Variants in SMIM5 observed in about 807,000 individuals in gnomAD.
SMIM5 encodes the protein small integral membrane protein 5, also known as chromosome 17 open reading frame 109.
A neutral mutation model predicts 4.0 loss-of-function variants in SMIM5; 4 were observed. That is an observed-to-expected ratio of 1.01 (90% CI 0.50 to 2.30). SMIM5 has a LOEUF of 2.30. Among genes scored for constraint, SMIM5 ranks in the 30% most tolerant of loss-of-function variants. SMIM5 has a pLI of 0.02. For synonymous variants in SMIM5, 46 were observed against 43.6 expected (o/e 1.05, Z -0.22); for missense variants, 107 against 99.2 (o/e 1.08, Z -0.34).
rs761285592 is a variant in SMIM5 at position 75,640,903 on chromosome 17, G to A, written c.*6G>A. ...TGCAGCCGACACCACCATGACGGAC[G>A]GGCGATGGCTGAGGAGAAGCTGGAG... On this transcript the variant is annotated 3_prime_UTR_variant, in exon 3 of 3. Coordinates refer to ENST00000375215, the MANE Select transcript of SMIM5 (RefSeq NM_001162995.3). The surrounding 1 kb of genome is among the most constrained non-coding windows in gnomAD (Gnocchi z 4.6). 49 of 1,542,354 alleles carry A rather than the reference G, an allele frequency of 3.2e-5. No homozygotes were observed. In the Middle Eastern group the frequency reaches 1.0e-3, roughly 31 times the overall value.
chr17:75,635,077 C>T (rs1017081384), intron 1 of SMIM5, among the ~76,000 whole-genome samples: 2 of 152,330 alleles, frequency 1.3e-5, no homozygotes, highest in African/African-American at 4.8e-5. Flanking sequence ...AAGCCACCAC[C>T]CCCCATATGT....
In SMIM5 at chr17:75,636,397, T is replaced by C. The variant is rs1477886972; in HGVS notation, c.-37+2195T>C. On this transcript the variant is annotated intron_variant, in intron 1 of 2. Transcript: ENST00000375215. The surrounding 1 kb of genome is among the most constrained non-coding windows in gnomAD (Gnocchi z 5.4). The stretch of plus-strand genomic sequence containing the variant: ...GAAAGACGGGAAAAATATGGGATCA[T>C]CAGTAGCCCTCCTGGGCTTCCCTGC... 6.6e-6 allele frequency among the ~76,000 whole-genome samples: 1 copy of C among 152,128 alleles called. No homozygotes were observed. The highest frequency in any genetic ancestry group is 1.5e-5 in the Non-Finnish European group (1 of 68,026).
At position 75,633,924 on chromosome 17, in the gene SMIM5, G is replaced by C; in HGVS notation, c.-315G>C. The C allele has an allele frequency of 3.0e-6, 3 of 986,764 alleles. No homozygotes were observed. The highest frequency in any genetic ancestry group is 3.6e-6 in the Non-Finnish European group (3 of 830,604). 61.1% of individuals were successfully genotyped at this position (986,764 alleles called of 1,614,324 possible). Reference sequence around the variant, plus strand: ...GGAGCTTGTCTTGTCCCTGAGCAGCGCTCTCAGGGCAGAGGTGAGGCACCG... The same window carrying C: ...GGAGCTTGTCTTGTCCCTGAGCAGCCCTCTCAGGGCAGAGGTGAGGCACCG... On this transcript the variant is annotated 5_prime_UTR_variant, in exon 1 of 3. Transcript: ENST00000375215.
chr17:75,637,834 G>A (rs1361485868), intron 1 of SMIM5: 1 of 152,484 alleles, frequency 6.6e-6, no homozygotes, highest in Non-Finnish European at 1.5e-5. Context: ...CTATCTTGCT[G>A]GTCTAAGCTG....
chr17:75,639,059 G>T (rs1391464705), intron 1 of SMIM5: 1 of 152,474 alleles, frequency 6.6e-6, no homozygotes, highest in African/African-American at 2.4e-5. Context: ...ATGGCCTCAA[G>T]GATGGCCGCA....
chr17:75,640,441 G>A lies in SMIM5; in HGVS notation c.127+113G>A. ...GGCGGGTGTCTGCCGGATCAAGGAG[G>A]AAAACCAGTTGTCCCTTGGGGGAAG... is the stretch of plus-strand genomic sequence containing the variant. On this transcript the variant is annotated intron_variant, in intron 2 of 2. Coordinates refer to ENST00000375215, the MANE Select transcript of SMIM5 (RefSeq NM_001162995.3). The surrounding 1 kb of genome is among the most constrained non-coding windows in gnomAD (Gnocchi z 4.6). 3 of 1,424,398 alleles carry A rather than the reference G, an allele frequency of 2.1e-6. No homozygotes were observed. In the South Asian group the frequency reaches 4.5e-5, roughly 21 times the overall value. The allele number at this position is 1,424,398 out of a possible 1,614,324, so 88.2% of individuals were successfully genotyped here.
rs1340997867 is a variant in SMIM5, at chr17:75,641,222, A to G, written c.*325A>G. On this transcript the variant is annotated 3_prime_UTR_variant, in exon 3 of 3. Transcript: ENST00000375215. ...TAGGGGTCCCCATACCTTGATGGAG[A>G]ACAGTCCCCACCTGTGGGCAATTGG... The G allele has an allele frequency of 3.4e-6, 1 of 294,474 alleles. No homozygotes were observed. The highest frequency in any genetic ancestry group is 2.1e-5 in the African/African-American group (1 of 47,494). 18.2% of individuals were successfully genotyped at this position (294,474 alleles called of 1,614,324 possible). A position where few individuals can be genotyped will look rare whatever the true frequency, so the allele number is the denominator to read the frequency against.
In SMIM5 at chr17:75,640,774, C is replaced by T. The variant is rs1275424460; in HGVS notation, c.128-17C>T. On this transcript the variant is annotated splice_polypyrimidine_tract_variant and intron_variant, in intron 2 of 2. Coordinates refer to ENST00000375215, the MANE Select transcript of SMIM5 (RefSeq NM_001162995.3). The surrounding 1 kb of genome is among the most constrained non-coding windows in gnomAD (Gnocchi z 4.6). ...TCTCCCCCAACCTGAGTCCCGTGCTCTCTCCCGGCCCTCCAGCTACTGTTC... is the reference window on the plus strand; with the variant it reads ...TCTCCCCCAACCTGAGTCCCGTGCTTTCTCCCGGCCCTCCAGCTACTGTTC... 3 of 1,547,926 alleles carry T rather than the reference C, an allele frequency of 1.9e-6. No individual in the cohort carries two copies. In the Admixed American group the frequency reaches 5.9e-5, roughly 30 times the overall value.
In SMIM5 at chr17:75,633,659, G is replaced by C. The variant is rs1301399820; in HGVS notation, c.-580G>C. On this transcript the variant is annotated 5_prime_UTR_variant, in exon 1 of 3. Transcript: ENST00000375215. ...TGTTGTTCCTGAGAGAGGCCAGAGGGAGGGACCAGCCAGGGAGTGGCCAGA... is the reference window on the plus strand; with the variant it reads ...TGTTGTTCCTGAGAGAGGCCAGAGGCAGGGACCAGCCAGGGAGTGGCCAGA... 8.5e-7 allele frequency: 1 copy of C among 1,171,918 alleles called. No individual in the cohort carries two copies. The highest frequency in any genetic ancestry group is 1.1e-6 in the Non-Finnish European group (1 of 932,508). The allele number at this position is 1,171,918 out of a possible 1,614,324, so 72.6% of individuals were successfully genotyped here.
intron 1 of SMIM5, among the ~76,000 whole-genome samples, 199 bp downstream of exon 1, chr17:75,634,401 G>A (rs62089257): frequency 1.3e-5 from 2 of 152,350 alleles, no homozygotes; most frequent in African/African-American, 4.8e-5. Flanking sequence ...TGCACTAGGG[G>A]AGGGCTGGGG....
Position 75,640,180 on chromosome 17 carries a change from C to T in SMIM5, c.-22C>T. 4 of 1,536,200 alleles carry T rather than the reference C, an allele frequency of 2.6e-6. No individual in the cohort carries two copies. The highest frequency in any genetic ancestry group is 3.5e-6 in the Non-Finnish European group (4 of 1,141,078). On this transcript the variant is annotated 5_prime_UTR_variant, in exon 2 of 3. Transcript: ENST00000375215. The surrounding 1 kb of genome is among the most constrained non-coding windows in gnomAD (Gnocchi z 4.6). ...TGCCCCAGCAGAGCCCGGCAGGAGCCCCAACAGGAAGCCAGCGCGGCATGG... is the reference window on the plus strand; with the variant it reads ...TGCCCCAGCAGAGCCCGGCAGGAGCTCCAACAGGAAGCCAGCGCGGCATGG...
intron 1 of SMIM5, chr17:75,637,586 A>C (rs2059349280): frequency 6.6e-6 from 1 of 152,262 alleles, no homozygotes; most frequent in Non-Finnish European, 1.5e-5. Context: ...TCAGTCCTAC[A>C]CTCAGGCTGG....
chr17:75,634,397 A>G (rs2148255105), intron 1 of SMIM5, among the ~76,000 whole-genome samples, 195 bp downstream of exon 1: 1 of 152,288 alleles, frequency 6.6e-6, no homozygotes, highest in East Asian at 1.9e-4. Context: ...ACCCTGCACT[A>G]GGGGAGGGCT....
chr17:75,633,681 C>T lies in SMIM5; in HGVS notation c.-558C>T. 8.7e-7 allele frequency: 1 copy of T among 1,152,958 alleles called. No individual in the cohort carries two copies. Among genetic ancestry groups the T allele is most frequent in the Non-Finnish European group, 1.1e-6 (1 of 922,644 alleles). 71.4% of individuals were successfully genotyped at this position (1,152,958 alleles called of 1,614,324 possible). A position where few individuals can be genotyped will look rare whatever the true frequency, so the allele number is the denominator to read the frequency against. ...AGGGAGGGACCAGCCAGGGAGTGGC[C>T]AGAGGGACAGAAGGGGTGGCCTTCC... On this transcript the variant is annotated 5_prime_UTR_variant, in exon 1 of 3. It introduces an in-frame stop codon into an upstream open reading frame of the 5' UTR. Transcript: ENST00000375215.
chr17:75,633,751 CCCCT>C lies in SMIM5; in HGVS notation c.-485_-482del. ...CCAGACCTGAGAGCGCTGCAGGACT[CCCCT>C]CCACAGGCTCAGGTGGAGCCTCCCC... On this transcript the variant is annotated 5_prime_UTR_variant, in exon 1 of 3. The change creates a premature stop within an existing upstream ORF in the 5' untranslated region. Transcript: ENST00000375215. The C allele has an allele frequency of 9.6e-7, 1 of 1,042,420 alleles. No individual in the cohort carries two copies. The allele number at this position is 1,042,420 out of a possible 1,614,324, so 64.6% of individuals were successfully genotyped here. A position where few individuals can be genotyped will look rare whatever the true frequency, so the allele number is the denominator to read the frequency against.
In SMIM5 at chr17:75,633,521, C is replaced by G; in HGVS notation, c.-718C>G. ...GCCACTCCCAGGTCACTCAGGATTCCAAGTTCTCCCCCAAGACGCCTTCAG... is the reference window on the plus strand; with the variant it reads ...GCCACTCCCAGGTCACTCAGGATTCGAAGTTCTCCCCCAAGACGCCTTCAG... On this transcript the variant is annotated 5_prime_UTR_variant, in exon 1 of 3. Transcript: ENST00000375215. The G allele has an allele frequency of 7.8e-6, 10 of 1,287,774 alleles. No homozygotes were observed. The highest frequency in any genetic ancestry group is 1.0e-5 in the Non-Finnish European group (10 of 987,988). 79.8% of individuals were successfully genotyped at this position (1,287,774 alleles called of 1,614,324 possible). A position where few individuals can be genotyped will look rare whatever the true frequency, so the allele number is the denominator to read the frequency against.
Position 75,633,611 on chromosome 17 carries a change from G to A in SMIM5, c.-628G>A. 1 of 1,209,812 alleles carries A rather than the reference G, an allele frequency of 8.3e-7. No homozygotes were observed. 74.9% of individuals were successfully genotyped at this position (1,209,812 alleles called of 1,614,324 possible). On this transcript the variant is annotated 5_prime_UTR_variant, in exon 1 of 3. Coordinates refer to ENST00000375215, the MANE Select transcript of SMIM5 (RefSeq NM_001162995.3). ...AAAGCCTCCTGCTCAGCTTGAGAGG[G>A]CCACCAGCTCCCCACTGTTTACTGT...
At chr17:75,637,967 G>A (rs1460246223) in intron 1 of SMIM5, 2 of 152,264 alleles carry the variant, frequency 1.3e-5, no homozygotes, top group African/African-American at 4.8e-5. Context: ...CCCACGTATA[G>A]AAGGAAGGAG....
In SMIM5 at chr17:75,637,806, C is replaced by T. The variant is rs2059354392; in HGVS notation, c.-36-2360C>T. ...GAGCCCACTGCACGGGCAGTACCCT[C>T]AGCGGGGCTGCTCCTGGCTATCTTG... On this transcript the variant is annotated intron_variant, in intron 1 of 2. Transcript: ENST00000375215. The T allele has an allele frequency of 1.3e-5, 2 of 152,326 alleles. 1 individual carries two copies. The highest frequency in any genetic ancestry group is 4.1e-4 in the South Asian group (2 of 4,838). The allele number at this position is 152,326 out of a possible 1,614,324, so 9.4% of individuals were successfully genotyped here. A position where few individuals can be genotyped will look rare whatever the true frequency, so the allele number is the denominator to read the frequency against.
Sources: allele counts gnomAD v4.1 joint callset (sites outside exome capture counted in the v4.1 genomes callset), GRCh38; gene constraint gnomAD v4.1.1; non-coding constraint Gnocchi (gnomAD v3.1); transcripts MANE v1.5; gene names NCBI Gene and HGNC (gene_info 2026-07-23, HGNC 2026-07-21).